The following CD1B variants were observed in gnomAD, a reference collection of about 807,000 sequenced individuals.
The protein encoded by CD1B is CD1b molecule, also known as T-cell surface glycoprotein CD1b.
A neutral mutation model predicts 39.8 loss-of-function variants in CD1B; 43 were observed. The observed-to-expected ratio is 1.08, with a 90% CI of 0.85 to 1.39. The LOEUF (loss-of-function observed/expected upper bound fraction) is 1.39. Ranked by LOEUF, CD1B falls within the 40% of genes most tolerant of loss-of-function variation. The pLI, the probability that CD1B is intolerant of heterozygous loss-of-function variation, is 0.00. For synonymous variants in CD1B, 192 were observed against 152.5 expected (o/e 1.26, Z -1.91); for missense variants, 495 against 403.8 (o/e 1.23, Z -1.94).
At chr1:158,326,487 T>G (rs970338507), downstream of CD1B, among the ~76,000 whole-genome samples, 1 of 152,204 alleles carries the variant, frequency 6.6e-6, no homozygotes, top group Non-Finnish European at 1.5e-5. Flanking sequence ...ATGAATCTTA[T>G]TTTTATTCCA....
Position 158,329,028 on chromosome 1 carries a change from G to T in CD1B, c.887-14C>A. 1 of 1,595,248 alleles carries T rather than the reference G, an allele frequency of 6.3e-7. No individual in the cohort carries two copies. The highest frequency in any genetic ancestry group is 8.6e-7 in the Non-Finnish European group (1 of 1,165,724). On this transcript the variant is annotated splice_polypyrimidine_tract_variant and intron_variant, in intron 4 of 5. Coordinates refer to ENST00000368168, the MANE Select transcript of CD1B (RefSeq NM_001764.3). ...AGGTGGGGTTTCCTGGCAATTGAGAGAGGACAAAAGGATGTCACTTCAGAT... is the reference window on the plus strand; with the variant it reads ...AGGTGGGGTTTCCTGGCAATTGAGATAGGACAAAAGGATGTCACTTCAGAT...
chr1:158,318,754 A>G, the CD1B span, among the ~76,000 whole-genome samples: 1 of 152,074 alleles, frequency 6.6e-6, no homozygotes, highest in Non-Finnish European at 1.5e-5. Context: ...GTTTCTTCCT[A>G]GTCTTGATGG....
the CD1B span, among the ~76,000 whole-genome samples, chr1:158,316,635 T>C: frequency 6.6e-6 from 1 of 150,996 alleles, no homozygotes; most frequent in Non-Finnish European, 1.5e-5. Context: ...TTTTCCTAAT[T>C]GAATACCCTT....
chr1:158,320,124 C>G, the CD1B span, among the ~76,000 whole-genome samples: 1 of 152,238 alleles, frequency 6.6e-6, no homozygotes, highest in South Asian at 2.1e-4. Context: ...TGTCTGTGCC[C>G]TGCCCCCAGA....
chr1:158,293,473 G>T, the CD1B span: 1 of 1,614,034 alleles, frequency 6.2e-7, no homozygotes, highest in Middle Eastern at 1.6e-4. Flanking sequence ...AGGACATCCT[G>T]TGAGACTCTT....
chr1:158,330,207 A>G (rs942469165), intron 2 of CD1B, 77 bp from the exon 3 acceptor site: 1 of 1,363,338 alleles, frequency 7.3e-7, no homozygotes, highest in Non-Finnish European at 1.0e-6. Flanking sequence ...CTAGGATTTT[A>G]GATTTTGGTG....
the CD1B span, among the ~76,000 whole-genome samples, chr1:158,287,326 G>A: frequency 6.6e-6 from 1 of 152,138 alleles, no homozygotes; most frequent in African/African-American, 2.4e-5. Flanking sequence ...GACAGGGAGA[G>A]ACAGAGAGAC....
downstream of CD1B, among the ~76,000 whole-genome samples, chr1:158,327,018 A>G (rs146527351): frequency 1.5e-3 from 235 of 152,242 alleles, 2 homozygotes; most frequent in African/African-American, 5.0e-3. Flanking sequence ...CCTGGTCTCA[A>G]ACTCCTGACC....
the CD1B span, among the ~76,000 whole-genome samples, chr1:158,295,424 G>T: frequency 6.6e-6 from 1 of 151,790 alleles, no homozygotes; most frequent in Non-Finnish European, 1.5e-5. Context: ...AATCCTAGCT[G>T]CAGGAGACCC....
chr1:158,322,514 C>T, the CD1B span, among the ~76,000 whole-genome samples: 1 of 150,500 alleles, frequency 6.6e-6, no homozygotes, highest in Non-Finnish European at 1.5e-5. Flanking sequence ...AGTCAATCCA[C>T]TTGCCTCAGC....
chr1:158,315,877 G>A, the CD1B span, among the ~76,000 whole-genome samples: 1 of 151,972 alleles, frequency 6.6e-6, no homozygotes, highest in Admixed American at 6.6e-5. Context: ...TCTACATATG[G>A]CTAGCCAATT....
At chr1:158,323,344 T>C (rs1036718278), downstream of CD1B, among the ~76,000 whole-genome samples, 3 of 152,160 alleles carry the variant, frequency 2.0e-5, no homozygotes, top group African/African-American at 4.8e-5. Context: ...GTTAGATTTT[T>C]CATTACTTTA....
chr1:158,319,068 C>T, the CD1B span, among the ~76,000 whole-genome samples: 1 of 151,492 alleles, frequency 6.6e-6, no homozygotes, highest in Non-Finnish European at 1.5e-5. Context: ...TGAGGGTAAC[C>T]CGACCTTTCT....
chr1:158,287,801 A>G, the CD1B span, among the ~76,000 whole-genome samples: 7 of 152,334 alleles, frequency 4.6e-5, no homozygotes, highest in Middle Eastern at 6.8e-3. Flanking sequence ...AACACAATGA[A>G]GTTTATTTCT....
chr1:158,311,037 G>A, the CD1B span, among the ~76,000 whole-genome samples: 1 of 152,100 alleles, frequency 6.6e-6, no homozygotes, highest in Admixed American at 6.6e-5. Flanking sequence ...ACCTTCAAAT[G>A]TAGCTGCCGA....
intron 2 of CD1B, chr1:158,330,536 G>T (rs1034857959): frequency 3.0e-6 from 2 of 656,306 alleles, no homozygotes; most frequent in East Asian, 2.9e-5. Context: ...TTGAGGAGAA[G>T]TTTCACATAA....
the CD1B span, among the ~76,000 whole-genome samples, chr1:158,294,135 G>A: frequency 6.6e-6 from 1 of 152,204 alleles, no homozygotes; most frequent in Non-Finnish European, 1.5e-5. Flanking sequence ...AATAGACAGA[G>A]AGTGTGCAAG....
chr1:158,318,070 G>C, the CD1B span, among the ~76,000 whole-genome samples: 1 of 152,166 alleles, frequency 6.6e-6, no homozygotes, highest in Non-Finnish European at 1.5e-5. Flanking sequence ...GCTGAGGAGA[G>C]CTTTACTGCC....
At chr1:158,291,337 C>T in the CD1B span, 27 of 1,613,950 alleles carry the variant, frequency 1.7e-5, no homozygotes, top group Non-Finnish European at 1.9e-5. Context: ...GTTGTTATTT[C>T]GTTTCTACCT....
Sources: gnomAD v4.1 joint callset for allele counts (sites outside exome capture counted in the v4.1 genomes callset) on GRCh38, gnomAD v4.1.1 for gene constraint, MANE v1.5 for transcripts, NCBI Gene and HGNC (gene_info 2026-07-23, HGNC 2026-07-21) for gene names.